The following TASOR variants were observed in gnomAD, a reference collection of about 807,000 sequenced individuals.
The protein encoded by TASOR is protein TASOR.
TASOR carries 53 observed loss-of-function variants against 178.6 expected under a neutral mutation model. The observed-to-expected ratio is 0.30, with a 90% CI of 0.24 to 0.37. TASOR has a LOEUF of 0.37. TASOR is among the 10% of genes least tolerant of loss of function. The pLI is 1.00. For synonymous variants in TASOR, 713 were observed against 696.2 expected (o/e 1.02, Z -0.38); for missense variants, 1,815 against 1,971.4 (o/e 0.92, Z 1.50).
Position 56,624,994 on chromosome 3 carries a change from T to C in TASOR, c.4152A>G (p.Lys1384=), listed in dbSNP as rs559741572. 1 of 1,613,828 alleles carries C rather than the reference T, an allele frequency of 6.2e-7. No individual in the cohort carries two copies. Among genetic ancestry groups the C allele is most frequent in the South Asian group, 1.1e-5 (1 of 91,016 alleles). ...TCAGAAGCGTCAACAGACTTAGAGC[T>C]TTAGCATTCAATCTGTGAAATTAAG... ...KLKELGRLNA[K]ALSLLTLLNV... Residue 1384 remains lysine, a synonymous_variant, in exon 22 of 24, where the codon AAA becomes AAG. Transcript: ENST00000683822.
chr3:56,621,706 C>CTAGA lies in TASOR; in HGVS notation c.*1327_*1330dup. The CTAGA allele has an allele frequency of 1.2e-6, 1 of 836,078 alleles. No individual in the cohort carries two copies. The highest frequency in any genetic ancestry group is 1.9e-6 in the Non-Finnish European group (1 of 537,996). The allele number at this position is 836,078 out of a possible 1,614,324, so 51.8% of individuals were successfully genotyped here. A position where few individuals can be genotyped will look rare whatever the true frequency, so the allele number is the denominator to read the frequency against. ...GGCTCAACTGTATTTTTCAAATAGC[C>CTAGA]TAGATTTACTTATTTTTTTAAATGC... On this transcript the variant is annotated 3_prime_UTR_variant, in exon 24 of 24. Transcript: ENST00000683822.
intron 1 of TASOR, among the ~76,000 whole-genome samples, chr3:56,675,875 C>T (rs2031246647): frequency 6.6e-6 from 1 of 152,108 alleles, no homozygotes. Context: ...GCCATTCATC[C>T]ATTCATTTAC....
At position 56,669,729 on chromosome 3, in the gene TASOR, C is replaced by T. The variant is rs1317170196; in HGVS notation, c.706G>A (p.Gly236Ser). 5.2e-6 allele frequency: 8 copies of T among 1,548,494 alleles called. No homozygotes were observed. In the Admixed American group the frequency reaches 1.4e-4, roughly 27 times the overall value. Residue 236 changes from glycine (G) to serine (S), a missense_variant, in exon 5 of 24, where the codon GGT becomes AGT. By Grantham distance (56) the Gly-to-Ser change is moderately conservative. Transcript: ENST00000683822. ...ATTATTTTAAAAATAACAACATCACCCATTGCCCCCGTGTCCAAAGGATTC... is the reference window on the plus strand; with the variant it reads ...ATTATTTTAAAAATAACAACATCACTCATTGCCCCCGTGTCCAAAGGATTC... Reference protein sequence around the residue: ...QANPLDTGAMGDVVIFKIMKG... With the variant: ...QANPLDTGAMSDVVIFKIMKG...
At chr3:56,668,831 G>A (rs1056714358) in intron 5 of TASOR, among the ~76,000 whole-genome samples, 1 of 152,142 alleles carries the variant, frequency 6.6e-6, no homozygotes, top group Non-Finnish European at 1.5e-5. Flanking sequence ...AATTAGCAGT[G>A]CATGGTGGCG....
intron 15 of TASOR, among the ~76,000 whole-genome samples, chr3:56,640,954 A>G (rs956368517): frequency 6.6e-6 from 1 of 152,206 alleles, no homozygotes; most frequent in Admixed American, 6.5e-5. Flanking sequence ...TGCTGTACTG[A>G]GACTGGCATC....
chr3:56,677,293 T>C (rs1177411880), intron 1 of TASOR, among the ~76,000 whole-genome samples: 1 of 152,252 alleles, frequency 6.6e-6, no homozygotes, highest in African/African-American at 2.4e-5. Context: ...AGGGAAAGCA[T>C]TATGTATATG....
intron 15 of TASOR, 119 bp downstream of exon 15, chr3:56,641,230 C>T (rs1400769734): frequency 3.0e-6 from 3 of 987,022 alleles, no homozygotes; most frequent in Non-Finnish European, 2.9e-6. Flanking sequence ...GGCACCTTTA[C>T]TCAAAAGTGC....
intron 6 of TASOR, among the ~76,000 whole-genome samples, chr3:56,667,507 A>G (rs890107626): frequency 6.6e-6 from 1 of 152,118 alleles, no homozygotes; most frequent in African/African-American, 2.4e-5. Context: ...AATACAAAAA[A>G]TTAGCTAGGT....
chr3:56,681,774 T>C (rs563008837), intron 1 of TASOR, among the ~76,000 whole-genome samples: 3 of 152,336 alleles, frequency 2.0e-5, no homozygotes, highest in South Asian at 2.1e-4. Context: ...GATACTAATT[T>C]TGACCTCCAT....
intron 1 of TASOR, 24 bp downstream of exon 1, chr3:56,682,652 G>C: frequency 6.9e-7 from 1 of 1,442,392 alleles, no homozygotes; most frequent in East Asian, 2.5e-5. Context: ...GAGAGAGGGG[G>C]TTGAGAAGAA....
At chr3:56,651,800 A>G (rs973004746) in intron 11 of TASOR, among the ~76,000 whole-genome samples, 1 of 152,334 alleles carries the variant, frequency 6.6e-6, no homozygotes, top group South Asian at 2.1e-4. Flanking sequence ...TGGAATTATC[A>G]GATGCAAAAA....
intron 1 of TASOR, among the ~76,000 whole-genome samples, chr3:56,674,224 A>AAG (rs1559854358): frequency 2.2e-5 from 3 of 138,800 alleles, no homozygotes; most frequent in Non-Finnish European, 4.6e-5. Flanking sequence ...AAAAAAAAAA[A>AAG]GCTTGGTGGC....
chr3:56,643,697 G>A (rs1231616281), intron 14 of TASOR, among the ~76,000 whole-genome samples: 1 of 150,974 alleles, frequency 6.6e-6, no homozygotes, highest in Non-Finnish European at 1.5e-5. Context: ...GGAGCTTGCA[G>A]TGAGCCGAGA....
Position 56,660,976 on chromosome 3 carries a change from T to C in TASOR, c.1202A>G (p.His401Arg). Residue 401 changes from histidine (H) to arginine (R), a missense_variant, in exon 10 of 24, where the codon CAT becomes CGT. By Grantham distance (29) the His-to-Arg change is conservative. Coordinates refer to ENST00000683822, the MANE Select transcript of TASOR (RefSeq NM_001365635.2). Reference protein sequence around the residue: ...LDVETVMSIDHLKQKIPPALF... With the variant: ...LDVETVMSIDRLKQKIPPALF... The stretch of plus-strand genomic sequence containing the variant: ...TGCTGGAGGGATTTTCTGTTTCAGA[T>C]GATCAATACTCATAACTGTTTCAAC... 6.2e-7 allele frequency: 1 copy of C among 1,610,526 alleles called. No individual in the cohort carries two copies. Among genetic ancestry groups the C allele is most frequent in the South Asian group, 1.1e-5 (1 of 90,880 alleles).
rs140001397 is a variant in TASOR at position 56,624,990 on chromosome 3, G to A, written c.4156C>T (p.Leu1386=). 13 of 1,613,886 alleles carry A rather than the reference G, an allele frequency of 8.1e-6. No homozygotes were observed. In the African/African-American group the frequency reaches 1.7e-4, roughly 22 times the overall value. The part of the protein sequence containing the change: ...KELGRLNAKA[L]SLLTLLNVYQ... ...ACATTCAGAAGCGTCAACAGACTTA[G>A]AGCTTTAGCATTCAATCTGTGAAAT... Residue 1386 remains leucine, a synonymous_variant, in exon 22 of 24, where the codon CTA becomes TTA. Transcript: ENST00000683822.
intron 13 of TASOR, 60 bp from the exon 14 acceptor site, chr3:56,647,283 A>C: frequency 7.6e-7 from 1 of 1,310,866 alleles, no homozygotes; most frequent in Non-Finnish European, 1.0e-6. Context: ...AAACTAATCA[A>C]ATACAGATCT....
chr3:56,627,206 T>A, intron 20 of TASOR, 61 bp from the exon 21 acceptor site: 2 of 992,470 alleles, frequency 2.0e-6, no homozygotes, highest in Admixed American at 4.5e-5. Flanking sequence ...AAGTGAATTA[T>A]GAAAGAAGTG....
chr3:56,630,845 CAATA>C (rs914045001), intron 18 of TASOR, among the ~76,000 whole-genome samples: 4 of 137,418 alleles, frequency 2.9e-5, no homozygotes, highest in South Asian at 4.4e-4. Flanking sequence ...AACTCCGTCT[CAATA>C]AATAAATAAA....
intron 11 of TASOR, among the ~76,000 whole-genome samples, chr3:56,653,262 C>CAAAAAAAAAAAA (rs1176419181): frequency 4.0e-3 from 20 of 4,962 alleles, no homozygotes; most frequent in East Asian, 9.3e-3. Flanking sequence ...GACTCCATCT[C>CAAAAAAAAAAAA]AAAAAAAAAA....
Sources: gnomAD v4.1 joint callset for allele counts (sites outside exome capture counted in the v4.1 genomes callset) on GRCh38, gnomAD v4.1.1 for gene constraint, MANE v1.5 for transcripts, NCBI Gene and HGNC (gene_info 2026-07-23, HGNC 2026-07-21) for gene names.